Variants in MIOS observed in about 807,000 individuals in gnomAD.
MIOS encodes the protein meiosis regulator for oocyte development.
In MIOS, 52 loss-of-function variants were observed where a neutral mutation model predicts 96.9. That is an observed-to-expected ratio of 0.54 (90% CI 0.43 to 0.68). The LOEUF is 0.68. Ranked by LOEUF, MIOS falls within the 30% of genes least tolerant of loss-of-function variation. The pLI is 0.00. For synonymous variants in MIOS, 397 were observed against 359.5 expected (o/e 1.10, Z -1.18); for missense variants, 1,005 against 1,052.8 (o/e 0.95, Z 0.63).
At chr7:7,579,474 T>A (rs1251919216) in intron 5 of MIOS, among the ~76,000 whole-genome samples, 2 of 152,210 alleles carry the variant, frequency 1.3e-5, no homozygotes, top group Non-Finnish European at 2.9e-5. Context: ...ATTTTAACTT[T>A]ACCTTTTCTG....
At chr7:7,569,019 A>G (rs1248229021) in intron 3 of MIOS, among the ~76,000 whole-genome samples, 1 of 152,250 alleles carries the variant, frequency 6.6e-6, no homozygotes, top group East Asian at 1.9e-4. Flanking sequence ...AAGATTGCTT[A>G]CCATAGACCA....
chr7:7,604,179 C>G (rs549179303), intron 11 of MIOS, among the ~76,000 whole-genome samples: 17 of 151,918 alleles, frequency 1.1e-4, no homozygotes, highest in African/African-American at 3.9e-4. Context: ...CAAACCTGCA[C>G]GTTGTGCACA....
rs1329267097 is a variant in MIOS at position 7,596,315 on chromosome 7, C to T, written c.2255C>T (p.Pro752Leu). The change falls in exon 11 of 13, where the codon CCT (proline) becomes CTT (leucine). Residue 752 changes from proline (P) to leucine (L), a missense_variant. This residue lies in a region of MIOS where 865 missense variants were observed against 887.9 expected (regional missense o/e 0.97). Transcript: ENST00000340080. ...KSISYSCSAV[P>L]HQGRGFSQYG... ...ATCTCCTACAGCTGTTCAGCTGTGC[C>T]TCATCAGGGCAGAGGTTTTAGTCAG... 1.2e-6 allele frequency: 2 copies of T among 1,614,048 alleles called. No individual in the cohort carries two copies. The highest frequency in any genetic ancestry group is 1.3e-5 in the African/African-American group (1 of 74,984).
At position 7,606,044 on chromosome 7, in the gene MIOS, A is replaced by T. The variant is rs1176226043; in HGVS notation, c.2504A>T (p.His835Leu). ...TGTCATAATTGCAGGCACGGTGGAC[A>T]TGCTGGACATATGCTTAGTTGGTTC... Reference protein sequence around the residue: ...TWCHNCRHGGHAGHMLSWFRD... With the variant: ...TWCHNCRHGGLAGHMLSWFRD... Residue 835 changes from histidine (H) to leucine (L), a missense_variant, in exon 12 of 13, where the codon CAT becomes CTT. By Grantham distance (99) the His-to-Leu change is moderately conservative. Transcript: ENST00000340080. 1 of 1,613,972 alleles carries T rather than the reference A, an allele frequency of 6.2e-7. No individual in the cohort carries two copies. The highest frequency in any genetic ancestry group is 1.7e-5 in the Admixed American group (1 of 60,020).
chr7:7,607,208 A>C lies in MIOS; in HGVS notation c.*116A>C. On this transcript the variant is annotated 3_prime_UTR_variant, in exon 13 of 13. Coordinates refer to ENST00000340080, the MANE Select transcript of MIOS (RefSeq NM_019005.4). ...CATGACTTACCTGTAATGGGAAAAT[A>C]AATCATTCTATCAGATCAGCAGTTT... 1 of 690,254 alleles carries C rather than the reference A, an allele frequency of 1.4e-6. No individual in the cohort carries two copies. The highest frequency in any genetic ancestry group is 2.4e-6 in the Non-Finnish European group (1 of 420,870). The allele number at this position is 690,254 out of a possible 1,614,324, so 42.8% of individuals were successfully genotyped here. A position where few individuals can be genotyped will look rare whatever the true frequency, so the allele number is the denominator to read the frequency against.
chr7:7,602,768 C>A (rs962987681), intron 11 of MIOS, among the ~76,000 whole-genome samples: 72 of 152,050 alleles, frequency 4.7e-4, no homozygotes, highest in Admixed American at 3.3e-4. Context: ...CCAAGTCAAT[C>A]CCAAGCCAAA....
At chr7:7,603,099 C>G (rs1017109870) in intron 11 of MIOS, among the ~76,000 whole-genome samples, 1 of 152,160 alleles carries the variant, frequency 6.6e-6, no homozygotes, top group African/African-American at 2.4e-5. Context: ...AAACGTTAGA[C>G]CTAAAACCGT....
chr7:7,589,405 T>C lies in MIOS; in HGVS notation c.1885T>C (p.Leu629=). 6.2e-7 allele frequency: 1 copy of C among 1,612,544 alleles called. No homozygotes were observed. Among genetic ancestry groups the C allele is most frequent in the Non-Finnish European group, 8.5e-7 (1 of 1,179,054 alleles). The change falls in exon 9 of 13, where the codon TTA becomes CTA. Residue 629 remains leucine, a splice_region_variant and synonymous_variant. Transcript: ENST00000340080. The part of the protein sequence containing the change: ...FACKFLSDTQ[L]NRYIEKLTNE... ...AGAAAAATCACTTTAAATTTTCCAG[T>C]TAAATAGATACATCGAAAAGTTGAC...
At chr7:7,603,065 T>A (rs551837141) in intron 11 of MIOS, among the ~76,000 whole-genome samples, 1 of 152,008 alleles carries the variant, frequency 6.6e-6, no homozygotes, top group Non-Finnish European at 1.5e-5. Flanking sequence ...ATACAAAAAT[T>A]AATTCAAGAT....
At chr7:7,585,830 C>G (rs750564442) in intron 7 of MIOS, 25 bp downstream of exon 7, 1 of 1,569,706 alleles carries the variant, frequency 6.4e-7, no homozygotes, top group Non-Finnish European at 8.6e-7. Context: ...TTTTTAAGAT[C>G]TTCCTTTGAA....
rs1464349236 is a variant in MIOS at position 7,608,447 on chromosome 7, TTGAG to T, written c.*1358_*1361del. Reference sequence around the variant, plus strand: ...AAGTAGATTAAATTTATTTTTTACCTTGAGTGTCTGATACATAAAACCCTTTTCT... The same window carrying T: ...AAGTAGATTAAATTTATTTTTTACCTTGTCTGATACATAAAACCCTTTTCT... On this transcript the variant is annotated 3_prime_UTR_variant, in exon 13 of 13. Transcript: ENST00000340080. 2.6e-5 allele frequency: 4 copies of T among 152,102 alleles called. No homozygotes were observed. Among genetic ancestry groups the T allele is most frequent in the Non-Finnish European group, 5.9e-5 (4 of 67,976 alleles). 9.4% of individuals were successfully genotyped at this position (152,102 alleles called of 1,614,324 possible). A position where few individuals can be genotyped will look rare whatever the true frequency, so the allele number is the denominator to read the frequency against.
chr7:7,606,472 A>C (rs1460744308), intron 12 of MIOS, among the ~76,000 whole-genome samples: 1 of 152,212 alleles, frequency 6.6e-6, no homozygotes, highest in East Asian at 1.9e-4. Context: ...TTATGTAGTC[A>C]CGCAATTAAG....
rs1049819108 is a variant in MIOS at position 7,607,466 on chromosome 7, C to T, written c.*374C>T. On this transcript the variant is annotated 3_prime_UTR_variant, in exon 13 of 13. Transcript: ENST00000340080. ...TGGATATCTTTCAATAAAATATGTG[C>T]ACTTTTAAAATAAAATGACTAATTC... The T allele has an allele frequency of 4.5e-5, 7 of 154,568 alleles. No homozygotes were observed. Among genetic ancestry groups the T allele is most frequent in the African/African-American group, 1.7e-4 (7 of 41,532 alleles). 9.6% of individuals were successfully genotyped at this position (154,568 alleles called of 1,614,324 possible).
intron 6 of MIOS, among the ~76,000 whole-genome samples, chr7:7,585,416 C>CCCCT (rs1563027929): frequency 1.4e-5 from 1 of 73,466 alleles, no homozygotes. Flanking sequence ...AAACCCCCCC[C>CCCCT]TTTTTTTTTT....
intron 5 of MIOS, among the ~76,000 whole-genome samples, chr7:7,580,609 T>C (rs1783680994): frequency 6.6e-6 from 1 of 151,842 alleles, no homozygotes; most frequent in Non-Finnish European, 1.5e-5. Context: ...TGCCACAGCC[T>C]AAAATCAGAT....
chr7:7,586,078 T>G (rs1783877061), intron 7 of MIOS, among the ~76,000 whole-genome samples: 2 of 152,102 alleles, frequency 1.3e-5, no homozygotes, highest in Admixed American at 1.3e-4. Context: ...ATCCTTTAGC[T>G]TAAGAACTGA....
intron 7 of MIOS, 102 bp downstream of exon 7, chr7:7,585,907 T>A: frequency 9.2e-7 from 1 of 1,082,714 alleles, no homozygotes; most frequent in Non-Finnish European, 1.3e-6. Context: ...AATATTATAT[T>A]TTTATGCATA....
At chr7:7,579,801 G>A (rs1783652983) in intron 5 of MIOS, among the ~76,000 whole-genome samples, 1 of 152,154 alleles carries the variant, frequency 6.6e-6, no homozygotes, top group Admixed American at 6.5e-5. Flanking sequence ...ATGTAGCCCA[G>A]GTGTGTAGTG....
At chr7:7,597,508 A>ATG (rs1784247497) in intron 11 of MIOS, among the ~76,000 whole-genome samples, 3 of 59,706 alleles carry the variant, frequency 5.0e-5, no homozygotes, top group Admixed American at 1.9e-4. Flanking sequence ...ATATATATAT[A>ATG]TATATATATG....
Sources: allele counts gnomAD v4.1 joint callset (sites outside exome capture counted in the v4.1 genomes callset), GRCh38; gene constraint gnomAD v4.1.1; regional missense constraint gnomAD v4.1.1; transcripts MANE v1.5; gene names NCBI Gene and HGNC (gene_info 2026-07-23, HGNC 2026-07-21).